The following LSS variants were observed in gnomAD, a reference collection of about 807,000 sequenced individuals.
LSS encodes the protein 2,3-epoxysqualene-lanosterol cyclase.
In LSS, 90 loss-of-function variants were observed where a neutral mutation model predicts 110.3. The observed-to-expected ratio is 0.82, with a 90% confidence interval of 0.69 to 0.97. The LOEUF is 0.97. Ranked by LOEUF, LSS falls within the 50% of genes least tolerant of loss-of-function variation. The pLI is 0.00. For synonymous variants in LSS, 433 were observed against 400.0 expected, an observed-to-expected ratio of 1.08 and a Z score of -0.98; for missense variants, 927 against 990.0, an observed-to-expected ratio of 0.94 and a Z score of 0.85.
intron 17 of LSS, among the ~76,000 whole-genome samples, chr21:46,204,970 A>T (rs2080026494): frequency 6.6e-6 from 1 of 152,218 alleles, no homozygotes; most frequent in African/African-American, 2.4e-5. Context: ...ATTGTGACCA[A>T]GGTGAGTCTA....
chr21:46,204,622 C>CA (rs771351927), intron 17 of LSS, among the ~76,000 whole-genome samples: 172 of 138,040 alleles, frequency 1.2e-3, no homozygotes, highest in Admixed American at 3.1e-3. Context: ...GAACCCATCT[C>CA]AAAAAAAAAA....
At chr21:46,227,765 T>A in intron 2 of LSS, 75 bp from the exon 3 acceptor site, 1 of 1,531,304 alleles carries the variant, frequency 6.5e-7, no homozygotes, top group Non-Finnish European at 9.0e-7. Context: ...CCTCTTCACA[T>A]ACAGCCCAAG....
chr21:46,225,244 G>T, intron 3 of LSS: 1 of 278,868 alleles, frequency 3.6e-6, no homozygotes, highest in Non-Finnish European at 7.3e-6. Context: ...TACAGAGATA[G>T]GAGCTGAAGA....
intron 19 of LSS, among the ~76,000 whole-genome samples, chr21:46,194,881 G>A (rs1320681907): frequency 6.6e-6 from 1 of 152,368 alleles, no homozygotes; most frequent in South Asian, 2.1e-4. Flanking sequence ...GAAGACAAAG[G>A]GACATGCGAG....
At chr21:46,227,142 A>G (rs777295850) in intron 3 of LSS, among the ~76,000 whole-genome samples, 38 of 152,196 alleles carry the variant, frequency 2.5e-4, no homozygotes, top group Non-Finnish European at 1.0e-4. Flanking sequence ...CCTGAACCTG[A>G]AGCTCTCCTG....
rs1258243910 is a variant in LSS at position 46,188,881 on chromosome 21, T to TTA, written c.*2221_*2222dup. 1.6e-5 allele frequency: 7 copies of TTA among 429,300 alleles called. No individual in the cohort carries two copies. Among genetic ancestry groups the TTA allele is most frequent in the African/African-American group, 4.1e-5 (2 of 48,610 alleles). The allele number at this position is 429,300 out of a possible 1,614,324, so 26.6% of individuals were successfully genotyped here. A position where few individuals can be genotyped will look rare whatever the true frequency, so the allele number is the denominator to read the frequency against. On this transcript the variant is annotated 3_prime_UTR_variant, in exon 22 of 22. Transcript: ENST00000397728. ...CTCCTATGTGGACATTGTATCACGT[T>TTA]TATTTATCTTCCTGGATATGCTTAT...
rs749313638 is a variant in LSS at position 46,191,131 on chromosome 21, A to T, written c.2172T>A (p.Pro724=). ...WALGRFSQLY[P]ERALAGHP is the part of the protein sequence containing the mutation. Reference sequence around the variant, plus strand: ...AGGGGTGGCCAGCAAGGGCTCTCTCAGGGTACAGCTGGGAGAAGCGGCCGA... The same window carrying T: ...AGGGGTGGCCAGCAAGGGCTCTCTCTGGGTACAGCTGGGAGAAGCGGCCGA... Residue 724 remains proline, a synonymous_variant, in exon 22 of 22, where the codon CCT becomes CCA. Transcript: ENST00000397728. The T allele has an allele frequency of 6.2e-7, 1 of 1,614,176 alleles. No homozygotes were observed. Among genetic ancestry groups the T allele is most frequent in the Non-Finnish European group, 8.5e-7 (1 of 1,180,020 alleles).
intron 16 of LSS, among the ~76,000 whole-genome samples, 195 bp downstream of exon 16, chr21:46,206,477 A>C (rs1472750615): frequency 6.6e-6 from 1 of 152,188 alleles, no homozygotes; most frequent in Non-Finnish European, 1.5e-5. Context: ...CCTATCCACA[A>C]CACAAGGATC....
rs781028711 is a variant in LSS, at chr21:46,196,219, G to A, written c.1719C>T (p.Ala573=). The A allele has an allele frequency of 3.1e-6, 5 of 1,613,968 alleles. No individual in the cohort carries two copies. Among genetic ancestry groups the A allele is most frequent in the Admixed American group, 3.3e-5 (2 of 59,996 alleles). The change falls in exon 18 of 22, where the codon GCC becomes GCT. Residue 573 remains alanine (A), a synonymous_variant. Coordinates refer to ENST00000397728, the MANE Select transcript of LSS (RefSeq NM_002340.6). The part of the protein sequence containing the change: ...GLEFCRRQQR[A]DGSWEGSWGV... ...TCACTCACCCTTCCCAGGAGCCATCGGCCCTCTGCTGCCGCCGACAGAACT... is the reference window on the plus strand; with the variant it reads ...TCACTCACCCTTCCCAGGAGCCATCAGCCCTCTGCTGCCGCCGACAGAACT...
intron 3 of LSS, among the ~76,000 whole-genome samples, chr21:46,226,061 A>G (rs2123766565): frequency 6.6e-6 from 1 of 151,828 alleles, no homozygotes; most frequent in East Asian, 1.9e-4. Flanking sequence ...ACTTGGACCC[A>G]GGAGGCAGAG....
chr21:46,220,819 G>A (rs905337009), intron 5 of LSS, among the ~76,000 whole-genome samples: 4 of 151,838 alleles, frequency 2.6e-5, no homozygotes, highest in Non-Finnish European at 4.4e-5. Flanking sequence ...AGACAGTTGG[G>A]GCTTGGAGAG....
At chr21:46,201,055 C>T (rs2079971998) in intron 17 of LSS, among the ~76,000 whole-genome samples, 1 of 144,458 alleles carries the variant, frequency 6.9e-6, no homozygotes, top group Non-Finnish European at 1.5e-5. Context: ...GTCATGAAGC[C>T]CTGAGGGTAG....
In LSS at chr21:46,228,770, C is replaced by G. The variant is rs1488454327; in HGVS notation, c.-25G>C. On this transcript the variant is annotated 5_prime_UTR_variant, in exon 1 of 22. Coordinates refer to ENST00000397728, the MANE Select transcript of LSS (RefSeq NM_002340.6). ...TTGCTGCTGCAGTGCTCTACGCCGC[C>G]CACTGCCAGCTGCCAGATGTCCGCA... 1.3e-6 allele frequency: 2 copies of G among 1,574,516 alleles called. No homozygotes were observed. The highest frequency in any genetic ancestry group is 2.4e-5 in the East Asian group (1 of 42,368).
chr21:46,192,321 A>T, intron 20 of LSS: 1 of 413,180 alleles, frequency 2.4e-6, no homozygotes. Context: ...GGCCAGGATA[A>T]GACACCAAGA....
At chr21:46,218,259 G>T (rs972080682) in intron 6 of LSS, among the ~76,000 whole-genome samples, 3 of 152,116 alleles carry the variant, frequency 2.0e-5, no homozygotes, top group Non-Finnish European at 4.4e-5. Flanking sequence ...AATGCATAAC[G>T]GGGTAAACTC....
At position 46,196,189 on chromosome 21, in the gene LSS, G is replaced by A. The variant is rs371437528; in HGVS notation, c.1736+13C>T. 3.7e-6 allele frequency: 6 copies of A among 1,613,472 alleles called. No individual in the cohort carries two copies. In the African/African-American group the frequency reaches 4.0e-5, roughly 11 times the overall value. ...CCGTGCATCTCTGCACTCACGAGTG[G>A]AGGCTCACTCACCCTTCCCAGGAGC... On this transcript the variant is annotated intron_variant, in intron 18 of 21. Coordinates refer to ENST00000397728, the MANE Select transcript of LSS (RefSeq NM_002340.6).
At chr21:46,211,101 C>T (rs1279007316) in intron 11 of LSS, among the ~76,000 whole-genome samples, 1 of 152,168 alleles carries the variant, frequency 6.6e-6, no homozygotes, top group Non-Finnish European at 1.5e-5. Context: ...TGGCGCACCT[C>T]AGTCATGGTG....
rs534301354 is a variant in LSS at position 46,206,662 on chromosome 21, G to A, written c.1564+10C>T. The A allele has an allele frequency of 1.4e-4, 230 of 1,609,538 alleles. No homozygotes were observed. Among genetic ancestry groups the A allele is most frequent in the East Asian group, 5.6e-4 (25 of 44,856 alleles). ...GGGTTTGCGCGCCGCAGTGCTGGCC[G>A]ACCACTCACCGAAGACCTCCGAGGG... On this transcript the variant is annotated intron_variant, in intron 16 of 21. Coordinates refer to ENST00000397728, the MANE Select transcript of LSS (RefSeq NM_002340.6).
intron 13 of LSS, among the ~76,000 whole-genome samples, chr21:46,208,678 G>A (rs1284887751): frequency 5.3e-5 from 8 of 152,228 alleles, no homozygotes; most frequent in Admixed American, 5.2e-4. Flanking sequence ...GCTTCTGGCT[G>A]CCTCTCTCAC....
Sources: gnomAD v4.1 joint callset for allele counts (sites outside exome capture counted in the v4.1 genomes callset) on GRCh38, gnomAD v4.1.1 for gene constraint, MANE v1.5 for transcripts, NCBI Gene and HGNC (gene_info 2026-07-23, HGNC 2026-07-21) for gene names.